The following APPL2 variants were observed in gnomAD, a reference collection of about 807,000 sequenced individuals.
The protein encoded by APPL2 is adaptor protein, phosphotyrosine interacting with PH domain and leucine zipper 2.
In APPL2, 84 loss-of-function variants were observed where a neutral mutation model predicts 92.7. That is an observed-to-expected ratio of 0.91 (90% CI 0.76 to 1.09). The LOEUF (loss-of-function observed/expected upper bound fraction) is 1.09, where lower values mean the gene tolerates loss of function less well. Ranked by LOEUF, APPL2 falls within the 50% of genes least tolerant of loss-of-function variation. APPL2 has a pLI of 0.00. For synonymous variants in APPL2, 291 were observed against 291.0 expected, an observed-to-expected ratio of 1.00 and a Z score of 0.00; for missense variants, 736 against 824.5, an observed-to-expected ratio of 0.89 and a Z score of 1.31.
chr12:105,198,475 T>C (rs1365152443), intron 10 of APPL2, among the ~76,000 whole-genome samples: 1 of 152,230 alleles, frequency 6.6e-6, no homozygotes, highest in East Asian at 1.9e-4. Flanking sequence ...CGGTAGGTTT[T>C]CTACATCTGC....
chr12:105,180,603 G>C (rs1886021477), intron 17 of APPL2, among the ~76,000 whole-genome samples: 1 of 152,200 alleles, frequency 6.6e-6, no homozygotes, highest in Admixed American at 6.5e-5. Flanking sequence ...CATGAGCATG[G>C]CATGTTTTTC....
intron 4 of APPL2, among the ~76,000 whole-genome samples, chr12:105,214,127 G>A (rs906155729): frequency 8.5e-5 from 13 of 152,198 alleles, no homozygotes; most frequent in African/African-American, 2.6e-4. Flanking sequence ...CAGAGGTTGC[G>A]GTGAGCCAAG....
rs768419500 is a variant in APPL2, at chr12:105,188,332, A to G, written c.1575T>C (p.Ala525=). ...EAMRQVLAAR[A]IHNIFRMTES... is the part of the protein sequence containing the mutation. Reference sequence around the variant, plus strand: ...CTGTCATGCGGAAGATGTTATGAATAGCCCGAGCAGCCAATACTTGTCTCA... The same window carrying G: ...CTGTCATGCGGAAGATGTTATGAATGGCCCGAGCAGCCAATACTTGTCTCA... The change falls in exon 17 of 21, where the codon GCT becomes GCC. Residue 525 remains alanine (A), a synonymous_variant. Transcript: ENST00000258530. 18 of 1,614,126 alleles carry G rather than the reference A, an allele frequency of 1.1e-5. No homozygotes were observed. In the Admixed American group the frequency reaches 2.5e-4, roughly 22 times the overall value.
chr12:105,212,831 T>TA (rs1448669461), intron 4 of APPL2, among the ~76,000 whole-genome samples: 1 of 152,206 alleles, frequency 6.6e-6, no homozygotes, highest in Non-Finnish European at 1.5e-5. Context: ...AGGCCACTCT[T>TA]ACAAGCTTAA....
At chr12:105,203,010 TACACACACACACACACACACAC>T (rs3838812) in intron 9 of APPL2, among the ~76,000 whole-genome samples, 101 of 146,096 alleles carry the variant, frequency 6.9e-4, no homozygotes, top group East Asian at 1.4e-3. Context: ...ATTTGTCAAC[TACACACACACACACACACACAC>T]ACACACACAC....
rs140634492 is a variant in APPL2 at position 105,179,620 on chromosome 12, T to G, written c.1635-2358A>C. Reference sequence around the variant, plus strand: ...CCAGCAGTATAAAAGCGTTCCTATTTCTCCACATCCTCTCCAGCATCTGTT... The same window carrying G: ...CCAGCAGTATAAAAGCGTTCCTATTGCTCCACATCCTCTCCAGCATCTGTT... On this transcript the variant is annotated intron_variant, in intron 17 of 20. Coordinates refer to ENST00000258530, the MANE Select transcript of APPL2 (RefSeq NM_018171.5). 2.0e-5 allele frequency among the ~76,000 whole-genome samples: 3 copies of G among 152,334 alleles called. No homozygotes were observed. In the East Asian group the frequency reaches 5.8e-4, roughly 29 times the overall value.
chr12:105,191,171 C>A (rs1352939156), intron 14 of APPL2, among the ~76,000 whole-genome samples: 1 of 152,168 alleles, frequency 6.6e-6, no homozygotes, highest in Non-Finnish European at 1.5e-5. Context: ...TGAAACAGTA[C>A]ATAGGCTTGT....
chr12:105,178,453 G>C (rs1272352935), intron 17 of APPL2, among the ~76,000 whole-genome samples: 1 of 152,142 alleles, frequency 6.6e-6, no homozygotes, highest in Non-Finnish European at 1.5e-5. Flanking sequence ...AAAATTGATT[G>C]TGATGATGGT....
At chr12:105,203,144 C>T (rs1483710853) in intron 9 of APPL2, among the ~76,000 whole-genome samples, 1 of 152,166 alleles carries the variant, frequency 6.6e-6, no homozygotes, top group Non-Finnish European at 1.5e-5. Context: ...AAGCCTGAGG[C>T]TGCAGGGGCC....
intron 14 of APPL2, among the ~76,000 whole-genome samples, chr12:105,193,959 T>TA (rs1044850201): frequency 6.6e-6 from 1 of 152,204 alleles, no homozygotes; most frequent in Non-Finnish European, 1.5e-5. Flanking sequence ...TCTTTCCAGT[T>TA]AGACTCAAAC....
chr12:105,205,414 G>T (rs1388292232), intron 8 of APPL2, among the ~76,000 whole-genome samples: 1 of 152,146 alleles, frequency 6.6e-6, no homozygotes, highest in Non-Finnish European at 1.5e-5. Flanking sequence ...CCAGAACTGG[G>T]GCTACATGTG....
intron 20 of APPL2, among the ~76,000 whole-genome samples, 187 bp downstream of exon 20, chr12:105,175,848 A>G (rs796390914): frequency 1.2e-4 from 18 of 152,328 alleles, no homozygotes; most frequent in African/African-American, 4.1e-4. Context: ...AGAAGTCCTC[A>G]TGTGTTAACA....
intron 1 of APPL2, among the ~76,000 whole-genome samples, chr12:105,235,649 A>C (rs1304946411): frequency 1.3e-5 from 2 of 152,158 alleles, no homozygotes; most frequent in Admixed American, 6.5e-5. Context: ...TTCCTGAGGC[A>C]CTCAGCTACT....
In APPL2 at chr12:105,177,277, GAT is replaced by G. The variant is rs1296307797; in HGVS notation, c.1635-17_1635-16del. On this transcript the variant is annotated splice_polypyrimidine_tract_variant and intron_variant, in intron 17 of 20. Transcript: ENST00000258530. Reference sequence around the variant, plus strand: ...GATCTATCAACCTGAAATTTTAAAAGATACATTATGTCACAAATGTTGGATAA... The same window carrying G: ...GATCTATCAACCTGAAATTTTAAAAGACATTATGTCACAAATGTTGGATAA... The G allele has an allele frequency of 6.2e-7, 1 of 1,610,544 alleles. No homozygotes were observed. Among genetic ancestry groups the G allele is most frequent in the East Asian group, 2.2e-5 (1 of 44,852 alleles).
intron 14 of APPL2, among the ~76,000 whole-genome samples, chr12:105,194,772 T>C (rs1027951012): frequency 9.0e-5 from 12 of 133,196 alleles, no homozygotes; most frequent in African/African-American, 4.3e-4. Context: ...CTGAAAAATG[T>C]AGAAATAGTT....
rs768847170 is a variant in APPL2 at position 105,217,663 on chromosome 12, T to A, written c.213+3A>T. ...ATCACAGGCCACATAAATACCAAGTTACCTGTTTTTCATATGCCAGCAGTT... is the reference window on the plus strand; with the variant it reads ...ATCACAGGCCACATAAATACCAAGTAACCTGTTTTTCATATGCCAGCAGTT... On this transcript the variant is annotated splice_donor_region_variant and intron_variant, in intron 3 of 20. Transcript: ENST00000258530. 1 of 1,613,972 alleles carries A rather than the reference T, an allele frequency of 6.2e-7. No individual in the cohort carries two copies. Among genetic ancestry groups the A allele is most frequent in the Non-Finnish European group, 8.5e-7 (1 of 1,179,954 alleles).
chr12:105,221,715 C>T (rs928580148), intron 2 of APPL2, among the ~76,000 whole-genome samples: 4 of 152,188 alleles, frequency 2.6e-5, no homozygotes, highest in East Asian at 1.9e-4. Flanking sequence ...CACTATGCAC[C>T]GCTTTGTGAG....
rs1885189227 is a variant in APPL2, at chr12:105,173,574, G to C, written c.*740C>G. The stretch of plus-strand genomic sequence containing the variant: ...AGAGGGTCTGGCTCAGAAGAAACAG[G>C]AACTGGTAGAGCTGCACCCTGTCCA... On this transcript the variant is annotated 3_prime_UTR_variant, in exon 21 of 21. Coordinates refer to ENST00000258530, the MANE Select transcript of APPL2 (RefSeq NM_018171.5). 1 of 152,604 alleles carries C rather than the reference G, an allele frequency of 6.6e-6. No individual in the cohort carries two copies. The highest frequency in any genetic ancestry group is 6.5e-5 in the Admixed American group (1 of 15,278). The allele number at this position is 152,604 out of a possible 1,614,324, so 9.5% of individuals were successfully genotyped here.
In APPL2 at chr12:105,235,910, C is replaced by A. The variant is rs1201681663; in HGVS notation, c.54+49G>T. ...CTCCACTCCGGGGCTGGAGGGGCCT[C>A]CTCGGCCTCACCCCTGCGGGCGAGG... On this transcript the variant is annotated intron_variant, in intron 1 of 20. Coordinates refer to ENST00000258530, the MANE Select transcript of APPL2 (RefSeq NM_018171.5). The A allele has an allele frequency of 3.3e-6, 4 of 1,225,958 alleles. No individual in the cohort carries two copies. In the South Asian group the frequency reaches 1.2e-4, roughly 38 times the overall value. The allele number at this position is 1,225,958 out of a possible 1,614,324, so 75.9% of individuals were successfully genotyped here.
Sources: allele counts gnomAD v4.1 joint callset (sites outside exome capture counted in the v4.1 genomes callset), GRCh38; gene constraint gnomAD v4.1.1; transcripts MANE v1.5; gene names NCBI Gene and HGNC (gene_info 2026-07-23, HGNC 2026-07-21).